The following CEP164 variants were observed in gnomAD, a reference collection of about 807,000 sequenced individuals.
CEP164 encodes centrosomal protein 164, also known as centrosomal protein of 164 kDa.
Under a neutral mutation model 182.7 loss-of-function variants are expected in CEP164, and 162 were observed. The ratio of observed to expected loss-of-function variants is 0.89; its 90% confidence interval spans 0.78 to 1.01. The LOEUF (loss-of-function observed/expected upper bound fraction) is 1.01, where lower values mean the gene tolerates loss of function less well. Ranked by LOEUF, CEP164 falls within the 50% of genes least tolerant of loss-of-function variation. The pLI, the probability that CEP164 is intolerant of heterozygous loss-of-function variation, is 0.00. For synonymous variants in CEP164, 661 were observed against 690.0 expected (o/e 0.96, Z 0.66); for missense variants, 1,735 against 1,790.4 (o/e 0.97, Z 0.56).
At chr11:117,372,108 A>ATT (rs33975593) in intron 9 of CEP164, among the ~76,000 whole-genome samples, 27,498 of 133,240 alleles carry the variant, frequency 0.21, 3,022 homozygotes, top group Admixed American at 0.25. Context: ...AGTTCAGGGT[A>ATT]TTTTTTTTTT....
At chr11:117,392,173 A>G (rs2044738197) in intron 17 of CEP164, 53 bp from the exon 18 acceptor site, 1 of 1,477,830 alleles carries the variant, frequency 6.8e-7, no homozygotes, top group Non-Finnish European at 9.0e-7. Flanking sequence ...TCCGCCTCCC[A>G]CCATGATCAG....
chr11:117,391,069 A>G lies in CEP164; in HGVS notation c.2137A>G (p.Ser713Gly). 3 of 1,614,180 alleles carry G rather than the reference A, an allele frequency of 1.9e-6. No homozygotes were observed. Among genetic ancestry groups the G allele is most frequent in the Non-Finnish European group, 2.5e-6 (3 of 1,180,046 alleles). ...LESQQKAERA[S>G]LEQKNRQMLE... The stretch of plus-strand genomic sequence containing the variant: ...GTCTCAACAGAAGGCTGAGAGGGCC[A>G]GCTTGGAACAGAAAAATAGGCAAAT... The change falls in exon 17 of 33, where the codon AGC (serine) becomes GGC (glycine). Residue 713 changes from serine (S) to glycine (G), a missense_variant. Physicochemically the swap from Ser to Gly is moderately conservative, Grantham distance 56. Coordinates refer to ENST00000278935, the MANE Select transcript of CEP164 (RefSeq NM_014956.5).
chr11:117,368,213 G>A (rs1295224341), intron 8 of CEP164, among the ~76,000 whole-genome samples: 3 of 152,196 alleles, frequency 2.0e-5, no homozygotes, highest in African/African-American at 7.2e-5. Context: ...GCTGACCCAG[G>A]GATCAAGAAA....
At chr11:117,389,012 C>T (rs1339846604) in intron 15 of CEP164, among the ~76,000 whole-genome samples, 5 of 151,934 alleles carry the variant, frequency 3.3e-5, no homozygotes, top group African/African-American at 4.8e-5. Context: ...CCTGATGATC[C>T]GCCTGCCTCG....
chr11:117,393,753 T>C (rs891738914), intron 20 of CEP164, among the ~76,000 whole-genome samples: 1 of 152,216 alleles, frequency 6.6e-6, no homozygotes, highest in Non-Finnish European at 1.5e-5. Context: ...AATACTGATA[T>C]TCTCCCCATT....
At position 117,392,605 on chromosome 11, in the gene CEP164, A is replaced by G; in HGVS notation, c.2471A>G (p.His824Arg). ...VEHRVHQKSY[H>R]VAGYEHELSS... is the part of the protein sequence containing the mutation. The stretch of plus-strand genomic sequence containing the variant: ...CACAGAGTTCACCAGAAGTCTTATC[A>G]CGTGGCTGGGTATGAGCACGAGGTG... Residue 824 changes from histidine (H) to arginine (R), a missense_variant, in exon 19 of 33, where the codon CAC becomes CGC. Physicochemically the swap from His to Arg is conservative, Grantham distance 29. Transcript: ENST00000278935. 1 of 1,614,114 alleles carries G rather than the reference A, an allele frequency of 6.2e-7. No homozygotes were observed. Among genetic ancestry groups the G allele is most frequent in the Non-Finnish European group, 8.5e-7 (1 of 1,180,024 alleles).
chr11:117,329,742 A>G (rs563413776), intron 1 of CEP164, among the ~76,000 whole-genome samples: 2 of 150,506 alleles, frequency 1.3e-5, no homozygotes, highest in African/African-American at 4.9e-5. Context: ...GGGTTTCACC[A>G]TGTTGGCCAG....
At chr11:117,341,660 G>A (rs2038142889) in intron 3 of CEP164, among the ~76,000 whole-genome samples, 1 of 151,948 alleles carries the variant, frequency 6.6e-6, no homozygotes. Context: ...TGCCCAGGCT[G>A]GTCTTGAACT....
In CEP164 at chr11:117,395,732, G is replaced by A. The variant is rs1214617399; in HGVS notation, c.3089+10G>A. 4 of 1,600,990 alleles carry A rather than the reference G, an allele frequency of 2.5e-6. No individual in the cohort carries two copies. The highest frequency in any genetic ancestry group is 2.6e-6 in the Non-Finnish European group (3 of 1,174,184). On this transcript the variant is annotated intron_variant, in intron 24 of 32. Transcript: ENST00000278935. ...TGCAGAAACACTTCAGGTGGCGTGG[G>A]CACCCTGCACTTAGCCCTGCTGGCT...
intron 27 of CEP164, among the ~76,000 whole-genome samples, chr11:117,397,899 A>G (rs1284488812): frequency 6.6e-6 from 1 of 152,178 alleles, no homozygotes; most frequent in East Asian, 1.9e-4. Context: ...TCCATATCTC[A>G]TGTCCTCACA....
chr11:117,376,126 C>T (rs1228089795), intron 11 of CEP164, among the ~76,000 whole-genome samples: 2 of 152,174 alleles, frequency 1.3e-5, no homozygotes, highest in African/African-American at 2.4e-5. Context: ...TCTTTACATG[C>T]CCAGCCCACC....
chr11:117,388,364 A>C (rs970883986), intron 15 of CEP164, among the ~76,000 whole-genome samples: 7 of 152,252 alleles, frequency 4.6e-5, no homozygotes, highest in Admixed American at 3.9e-4. Flanking sequence ...TTACTTTTCA[A>C]TGGAAATCAA....
At chr11:117,398,233 C>T (rs2045718299) in intron 27 of CEP164, among the ~76,000 whole-genome samples, 1 of 152,236 alleles carries the variant, frequency 6.6e-6, no homozygotes, top group Admixed American at 6.5e-5. Flanking sequence ...CCAGGTTACG[C>T]TGATGCAAGA....
upstream of CEP164, among the ~76,000 whole-genome samples, chr11:117,327,542 C>A (rs1230844589): frequency 2.7e-5 from 4 of 150,494 alleles, no homozygotes; most frequent in Non-Finnish European, 5.9e-5. Flanking sequence ...CCTCAGGTGA[C>A]CCACCCGCCT....
chr11:117,341,563 C>T (rs1475760163), intron 3 of CEP164, among the ~76,000 whole-genome samples: 1 of 151,996 alleles, frequency 6.6e-6, no homozygotes, highest in Admixed American at 6.5e-5. Flanking sequence ...CCCACCTCAG[C>T]CTCCCAAGTA....
chr11:117,376,196 C>T (rs1247565734), intron 11 of CEP164, among the ~76,000 whole-genome samples: 4 of 152,242 alleles, frequency 2.6e-5, no homozygotes, highest in African/African-American at 7.2e-5. Context: ...ACCTCCGCCA[C>T]GCCTCTGCCT....
At chr11:117,336,723 TG>T in intron 2 of CEP164, 1 of 690,766 alleles carries the variant, frequency 1.4e-6, no homozygotes, top group East Asian at 2.7e-5. Flanking sequence ...CCTTTCTGCT[TG>T]AAGAGGGCCG....
chr11:117,343,914 C>T (rs1225381756), intron 3 of CEP164, among the ~76,000 whole-genome samples: 1 of 152,120 alleles, frequency 6.6e-6, no homozygotes, highest in Non-Finnish European at 1.5e-5. Context: ...CAGGCATGAG[C>T]CATGGCACCT....
At chr11:117,360,279 C>T (rs751410875) in intron 5 of CEP164, among the ~76,000 whole-genome samples, 3 of 151,940 alleles carry the variant, frequency 2.0e-5, no homozygotes, top group Admixed American at 6.6e-5. Flanking sequence ...TTGATCTTGC[C>T]GCCTCAGCCT....
Sources: allele counts gnomAD v4.1 joint callset (sites outside exome capture counted in the v4.1 genomes callset), GRCh38; gene constraint gnomAD v4.1.1; transcripts MANE v1.5; gene names NCBI Gene and HGNC (gene_info 2026-07-23, HGNC 2026-07-21).